The following PUM2 variants were observed in gnomAD, a reference collection of about 807,000 sequenced individuals.
The protein encoded by PUM2 is pumilio RNA binding family member 2.
PUM2 carries 57 observed loss-of-function variants against 124.5 expected under a neutral mutation model. That is an observed-to-expected ratio of 0.46 (90% CI 0.37 to 0.57). PUM2 has a LOEUF of 0.57. Ranked by LOEUF, PUM2 falls within the 20% of genes least tolerant of loss-of-function variation. PUM2 has a pLI of 0.00. For missense variants in PUM2, 1,065 were observed against 1,290.6 expected (o/e 0.83, Z 2.68); for synonymous variants, 460 against 446.1 (o/e 1.03, Z -0.39).
chr2:20,274,957 CAAA>C lies in PUM2; in HGVS notation c.1957+3623_1957+3625del, dbSNP rs774985208. Among the ~76,000 whole-genome samples, 53 of 31,420 alleles carry C rather than the reference CAAA, an allele frequency of 1.7e-3. 5 individuals carry two copies. The Middle Eastern group carries it at 0.12, about 74-fold the overall frequency. The allele number at this position is 31,420 out of a possible 152,430, so 20.6% of individuals were successfully genotyped here. On this transcript the variant is annotated intron_variant, in intron 13 of 20. Transcript: ENST00000361078. ...TTCTTCACAACAAGTGAAGTATCTC[CAAA>C]AAAAAAAAAAAAAAGATGCTTACTT...
At chr2:20,312,526 T>C (rs1401552741) in intron 3 of PUM2, 103 bp from the exon 4 acceptor site, 2 of 1,070,980 alleles carry the variant, frequency 1.9e-6, no homozygotes, top group Admixed American at 2.7e-5. Context: ...CATTGTTTTA[T>C]TTTGAATGTT....
At chr2:20,301,904 A>T (rs893664776) in intron 7 of PUM2, among the ~76,000 whole-genome samples, 2 of 152,210 alleles carry the variant, frequency 1.3e-5, no homozygotes, top group Non-Finnish European at 2.9e-5. Flanking sequence ...TGGCTACATA[A>T]TATGTAGTCT....
chr2:20,300,811 G>A (rs539362732), intron 7 of PUM2, among the ~76,000 whole-genome samples: 5 of 149,042 alleles, frequency 3.4e-5, no homozygotes, highest in Admixed American at 6.7e-5. Flanking sequence ...AAAAAGCTAC[G>A]CATCTGCCTC....
At chr2:20,323,654 T>C (rs1333211092) in intron 2 of PUM2, among the ~76,000 whole-genome samples, 2 of 152,082 alleles carry the variant, frequency 1.3e-5, no homozygotes, top group Non-Finnish European at 2.9e-5. Flanking sequence ...TCAGTTTGAC[T>C]ATCCTAGCGG....
At chr2:20,279,292 G>C (rs1670958682) in intron 12 of PUM2, among the ~76,000 whole-genome samples, 1 of 152,030 alleles carries the variant, frequency 6.6e-6, no homozygotes, top group South Asian at 2.1e-4. Context: ...TATTTAATTT[G>C]TCATCTAGCT....
intron 7 of PUM2, among the ~76,000 whole-genome samples, chr2:20,305,425 G>C (rs1677984315): frequency 8.2e-6 from 1 of 122,510 alleles, no homozygotes; most frequent in Non-Finnish European, 1.6e-5. Flanking sequence ...CTGTACCACT[G>C]CACTCCAGTC....
At chr2:20,309,091 A>G (rs1679017660) in intron 5 of PUM2, among the ~76,000 whole-genome samples, 1 of 152,198 alleles carries the variant, frequency 6.6e-6, no homozygotes, top group Non-Finnish European at 1.5e-5. Flanking sequence ...AATGGTCTTC[A>G]TTATTTAAGG....
rs1671996476 is a variant in PUM2 at position 20,283,340 on chromosome 2, T to G, written c.1435+3A>C. On this transcript the variant is annotated splice_donor_region_variant and intron_variant, in intron 11 of 20. Transcript: ENST00000361078. ...TTATCCTAAAAATGTCAGTTACACT[T>G]ACCAGCTTGTGCTGCTGCTGAACTA... 6.2e-7 allele frequency: 1 copy of G among 1,613,748 alleles called. No individual in the cohort carries two copies. The highest frequency in any genetic ancestry group is 1.3e-5 in the African/African-American group (1 of 74,930).
intron 13 of PUM2, among the ~76,000 whole-genome samples, chr2:20,270,523 G>A (rs1451668404): frequency 6.6e-6 from 1 of 151,008 alleles, no homozygotes; most frequent in Non-Finnish European, 1.5e-5. Context: ...GAAGAGGGCT[G>A]AAGAACTGGG....
At chr2:20,342,349 A>G (rs1424626924) in intron 1 of PUM2, among the ~76,000 whole-genome samples, 1 of 152,226 alleles carries the variant, frequency 6.6e-6, no homozygotes, top group African/African-American at 2.4e-5. Flanking sequence ...CATTTCAGGT[A>G]TGCTGCTCAG....
Position 20,333,024 on chromosome 2 carries a change from A to G in PUM2, c.-18-5646T>C, listed in dbSNP as rs1572977368. On this transcript the variant is annotated intron_variant, in intron 1 of 20. Coordinates refer to ENST00000361078, the MANE Select transcript of PUM2 (RefSeq NM_015317.5). ...TGGCCAAGACCCAGTATAATCTTATATTTGAATTAAAAAGTCATTTTTGAG... is the reference window on the plus strand; with the variant it reads ...TGGCCAAGACCCAGTATAATCTTATGTTTGAATTAAAAAGTCATTTTTGAG... The G allele has an allele frequency of 2.0e-5, 3 of 152,304 alleles. 1 individual carries two copies. In the East Asian group the frequency reaches 5.8e-4, roughly 29 times the overall value. 9.4% of individuals were successfully genotyped at this position (152,304 alleles called of 1,614,324 possible).
At chr2:20,288,955 A>C (rs1316493691) in intron 10 of PUM2, among the ~76,000 whole-genome samples, 1 of 152,106 alleles carries the variant, frequency 6.6e-6, no homozygotes, top group East Asian at 1.9e-4. Context: ...ATTTCTAAAA[A>C]GGCTAAAAAG....
chr2:20,347,482 C>T (rs72788906), intron 1 of PUM2, among the ~76,000 whole-genome samples: 38,197 of 152,116 alleles, frequency 0.25, 5,384 homozygotes, highest in Non-Finnish European at 0.32. Flanking sequence ...TACAGCGTTT[C>T]ACTCACTGGA....
intron 1 of PUM2, among the ~76,000 whole-genome samples, chr2:20,328,108 G>A (rs143758749): frequency 2.1e-3 from 321 of 152,296 alleles, no homozygotes; most frequent in African/African-American, 7.4e-3. Flanking sequence ...ACCGAGGTGG[G>A]TGATCACTTG....
chr2:20,349,512 ATTTTT>A (rs1256530973), intron 1 of PUM2, among the ~76,000 whole-genome samples: 1 of 149,958 alleles, frequency 6.7e-6, no homozygotes, highest in African/African-American at 2.5e-5. Context: ...GAAAATACTC[ATTTTT>A]GTTTTTTTTT....
intron 1 of PUM2, among the ~76,000 whole-genome samples, chr2:20,343,030 G>A (rs1473056647): frequency 6.6e-6 from 1 of 152,010 alleles, no homozygotes; most frequent in Non-Finnish European, 1.5e-5. Flanking sequence ...TGCCTTCACA[G>A]CCTCCAAACC....
At chr2:20,328,929 T>C (rs1684283556) in intron 1 of PUM2, among the ~76,000 whole-genome samples, 1 of 152,140 alleles carries the variant, frequency 6.6e-6, no homozygotes, top group Non-Finnish European at 1.5e-5. Context: ...CCCAGCACTT[T>C]GGGAAGCCGA....
chr2:20,325,475 A>AT (rs1024155024), intron 2 of PUM2, among the ~76,000 whole-genome samples: 1 of 152,180 alleles, frequency 6.6e-6, no homozygotes, highest in Non-Finnish European at 1.5e-5. Flanking sequence ...AGATCATGAC[A>AT]TTTTTTTGAT....
At chr2:20,264,737 C>T (rs1667237348) in intron 13 of PUM2, among the ~76,000 whole-genome samples, 1 of 151,974 alleles carries the variant, frequency 6.6e-6, no homozygotes, top group Admixed American at 6.6e-5. Context: ...ACTATATATA[C>T]AATCCAGGCC....
Sources: gnomAD v4.1 joint callset for allele counts (sites outside exome capture counted in the v4.1 genomes callset) on GRCh38, gnomAD v4.1.1 for gene constraint, MANE v1.5 for transcripts, NCBI Gene and HGNC (gene_info 2026-07-23, HGNC 2026-07-21) for gene names.